Variants in RHBDD1 observed in about 807,000 individuals in gnomAD.
RHBDD1 encodes the protein rhomboid-related protein 4.
In RHBDD1, 38 loss-of-function variants were observed where a neutral mutation model predicts 36.3. The observed-to-expected ratio is 1.05, with a 90% CI of 0.81 to 1.37. The LOEUF is 1.37. Among genes scored for constraint, RHBDD1 ranks in the 40% most tolerant of loss-of-function variants. The pLI is 0.00. For missense variants in RHBDD1, 393 were observed against 377.6 expected, an observed-to-expected ratio of 1.04 and a Z score of -0.34; for synonymous variants, 151 against 136.5, an observed-to-expected ratio of 1.11 and a Z score of -0.74.
chr2:226,922,446 A>T (rs1242686810), intron 8 of RHBDD1, among the ~76,000 whole-genome samples: 1 of 151,764 alleles, frequency 6.6e-6, no homozygotes, highest in Non-Finnish European at 1.5e-5. Context: ...TGACCTTGTG[A>T]TCCGCCCACC....
At chr2:226,974,225 TTTTTATTTTATTTTA>T (rs145186235) in intron 8 of RHBDD1, among the ~76,000 whole-genome samples, 8 of 148,260 alleles carry the variant, frequency 5.4e-5, no homozygotes, top group Middle Eastern at 3.4e-3. Flanking sequence ...TGTTGCCCTT[TTTTTATTTTATTTTA>T]TTTTATTTTA....
chr2:226,849,801 G>A (rs929524301), intron 3 of RHBDD1, among the ~76,000 whole-genome samples: 1 of 151,912 alleles, frequency 6.6e-6, no homozygotes, highest in Non-Finnish European at 1.5e-5. Context: ...ATCTATTCCA[G>A]CTTTCAGAGT....
At chr2:226,944,506 C>G (rs527925660) in intron 8 of RHBDD1, among the ~76,000 whole-genome samples, 1 of 152,068 alleles carries the variant, frequency 6.6e-6, no homozygotes, top group Non-Finnish European at 1.5e-5. Flanking sequence ...TTAAAAATGC[C>G]GAGACTTGTG....
upstream of RHBDD1, among the ~76,000 whole-genome samples, chr2:226,831,957 GT>G (rs58851411): frequency 5.8e-3 from 804 of 139,094 alleles, 6 homozygotes; most frequent in Middle Eastern, 0.076. Flanking sequence ...AATTTTACTG[GT>G]TTTTTTTTTT....
intron 8 of RHBDD1, among the ~76,000 whole-genome samples, chr2:226,983,101 A>G (rs986362301): frequency 6.6e-6 from 1 of 152,232 alleles, no homozygotes; most frequent in East Asian, 1.9e-4. Context: ...ACATAACCAC[A>G]GAACACACTA....
At chr2:226,914,974 T>C (rs577435297) in intron 8 of RHBDD1, among the ~76,000 whole-genome samples, 1 of 152,212 alleles carries the variant, frequency 6.6e-6, no homozygotes, top group Non-Finnish European at 1.5e-5. Flanking sequence ...AAAAATCAAC[T>C]GTTCATTTAA....
chr2:226,816,392 A>AG, the RHBDD1 span, among the ~76,000 whole-genome samples: 617 of 151,488 alleles, frequency 4.1e-3, 6 homozygotes, highest in African/African-American at 0.014. Context: ...AAAAAAAAAA[A>AG]AAAAGAAAAA....
intron 6 of RHBDD1, 185 bp downstream of exon 6, chr2:226,907,066 C>A: frequency 3.1e-6 from 2 of 654,094 alleles, no homozygotes; most frequent in Admixed American, 2.6e-5. Flanking sequence ...ACAAAAGAGG[C>A]TGCAAACTTA....
rs116522487 is a variant in RHBDD1 at position 226,906,571 on chromosome 2, G to A, written c.567-222G>A. 1.6e-4 allele frequency: 154 copies of A among 960,882 alleles called. No homozygotes were observed. In the African/African-American group the frequency reaches 2.1e-3, roughly 13 times the overall value. 59.5% of individuals were successfully genotyped at this position (960,882 alleles called of 1,614,324 possible). A position where few individuals can be genotyped will look rare whatever the true frequency, so the allele number is the denominator to read the frequency against. ...CCACTTCCCCTGGTTAAGGAGGGGT[G>A]TTGCGTTTTAAACATGTGGTGGTTG... On this transcript the variant is annotated intron_variant, in intron 5 of 8. Coordinates refer to ENST00000392062, the MANE Select transcript of RHBDD1 (RefSeq NM_001167608.3).
At chr2:226,869,700 T>C (rs970171281) in intron 5 of RHBDD1, among the ~76,000 whole-genome samples, 1 of 152,220 alleles carries the variant, frequency 6.6e-6, no homozygotes, top group Non-Finnish European at 1.5e-5. Context: ...GCATGTGGAC[T>C]TGATGCCAGA....
At chr2:226,980,186 A>G (rs1240721088) in intron 8 of RHBDD1, among the ~76,000 whole-genome samples, 2 of 152,200 alleles carry the variant, frequency 1.3e-5, no homozygotes, top group Admixed American at 1.3e-4. Context: ...CCCATGAGCT[A>G]GATTTTACAG....
At chr2:226,930,535 A>G (rs1482984790) in intron 8 of RHBDD1, among the ~76,000 whole-genome samples, 4 of 152,106 alleles carry the variant, frequency 2.6e-5, no homozygotes, top group African/African-American at 4.8e-5. Context: ...AACCATAAGA[A>G]TTCTAGAAGA....
At position 226,876,703 on chromosome 2, in the gene RHBDD1, G is replaced by A. The variant is rs182453511; in HGVS notation, c.566+9385G>A. On this transcript the variant is annotated intron_variant, in intron 5 of 8. Coordinates refer to ENST00000392062, the MANE Select transcript of RHBDD1 (RefSeq NM_001167608.3). The stretch of plus-strand genomic sequence containing the variant: ...CATTTAGACTCTTGAAAATTATTGA[G>A]GACCTCAAAGAGTTTTGGTTTATGT... 1.6e-3 allele frequency among the ~76,000 whole-genome samples: 239 copies of A among 151,866 alleles called. 3 individuals are homozygous for A. The highest frequency in any genetic ancestry group is 0.014 in the Admixed American group (215 of 15,254).
At chr2:226,954,285 T>A (rs1165906672) in intron 8 of RHBDD1, among the ~76,000 whole-genome samples, 1 of 152,218 alleles carries the variant, frequency 6.6e-6, no homozygotes, top group Non-Finnish European at 1.5e-5. Context: ...TTGATTTTTT[T>A]AAATTCTGAA....
At chr2:226,819,518 A>C in the RHBDD1 span, among the ~76,000 whole-genome samples, 1 of 152,220 alleles carries the variant, frequency 6.6e-6, no homozygotes, top group Non-Finnish European at 1.5e-5. Flanking sequence ...ATGTAGGTTC[A>C]TCAATTGTAA....
intron 4 of RHBDD1, 69 bp downstream of exon 4, chr2:226,865,195 A>T: frequency 1.6e-6 from 2 of 1,220,724 alleles, no homozygotes; most frequent in Non-Finnish European, 2.3e-6. Flanking sequence ...CTGTCATTTT[A>T]TGAAGTGTGG....
At chr2:226,865,267 G>A in intron 4 of RHBDD1, 141 bp downstream of exon 4, 1 of 680,560 alleles carries the variant, frequency 1.5e-6, no homozygotes, top group Non-Finnish European at 2.6e-6. Flanking sequence ...AGAGGAGGCT[G>A]GAGCATGCAG....
chr2:226,929,598 A>T (rs1949888104), intron 8 of RHBDD1, among the ~76,000 whole-genome samples: 1 of 152,118 alleles, frequency 6.6e-6, no homozygotes, highest in Non-Finnish European at 1.5e-5. Context: ...GGAACAAGAT[A>T]AGGATGCCCG....
At chr2:226,855,966 A>G (rs552235263) in intron 3 of RHBDD1, among the ~76,000 whole-genome samples, 1 of 152,312 alleles carries the variant, frequency 6.6e-6, no homozygotes, top group South Asian at 2.1e-4. Flanking sequence ...TTTTATCATT[A>G]ATGTAGCTCT....
Sources: gnomAD v4.1 joint callset for allele counts (sites outside exome capture counted in the v4.1 genomes callset) on GRCh38, gnomAD v4.1.1 for gene constraint, MANE v1.5 for transcripts, NCBI Gene and HGNC (gene_info 2026-07-23, HGNC 2026-07-21) for gene names.